LOXHD1: variants seen among roughly 807,000 people sequenced by gnomAD.
LOXHD1 encodes the protein lipoxygenase homology PLAT domains 1, also known as lipoxygenase homology domain-containing protein 1.
Under a neutral mutation model 248.2 loss-of-function variants are expected in LOXHD1, and 205 were observed. That is an observed-to-expected ratio of 0.83 (90% CI 0.74 to 0.93). LOXHD1 has a LOEUF of 0.93. Ranked by LOEUF, LOXHD1 falls within the 40% of genes least tolerant of loss-of-function variation. The probability of loss-of-function intolerance (pLI) is 0.00; values close to 1 mark genes in which losing one functional copy is unlikely to be tolerated. For synonymous variants in LOXHD1, 1,113 were observed against 1,162.8 expected (o/e 0.96, Z 0.87); for missense variants, 2,930 against 2,971.6 (o/e 0.99, Z 0.33).
intron 12 of LOXHD1, 51 bp downstream of exon 12, chr18:46,591,882 C>T: frequency 6.5e-7 from 1 of 1,545,130 alleles, no homozygotes; most frequent in Non-Finnish European, 8.7e-7. Flanking sequence ...CATCGGGACA[C>T]CAAGCAGGAG....
intron 12 of LOXHD1, among the ~76,000 whole-genome samples, chr18:46,583,552 A>T (rs1383327061): frequency 2.6e-5 from 4 of 152,188 alleles, no homozygotes; most frequent in Non-Finnish European, 4.4e-5. Flanking sequence ...TCTCAAAAGA[A>T]GACATACAAA....
chr18:46,518,192 A>G lies in LOXHD1; in HGVS notation c.5336T>C (p.Phe1779Ser), dbSNP rs1411803255. ...VVGGGTDSNI[F>S]MTLYGINGST... ...CCCGTTGATGCCGTAGAGGGTCATG[A>G]AGATGTTGGAGTCAGTGCCCCCGCC... The change falls in exon 34 of 41, where the codon TTC becomes TCC. Residue 1779 changes from phenylalanine (F) to serine (S), a missense_variant. Physicochemically the swap from Phe to Ser is radical, Grantham distance 155 (BLOSUM62 -2). Transcript: ENST00000642948. 1.3e-6 allele frequency: 2 copies of G among 1,551,558 alleles called. No individual in the cohort carries two copies. Among genetic ancestry groups the G allele is most frequent in the Admixed American group, 2.0e-5 (1 of 50,990 alleles).
intron 37 of LOXHD1, among the ~76,000 whole-genome samples, chr18:46,503,658 T>A (rs1003826413): frequency 1.3e-5 from 2 of 152,074 alleles, no homozygotes; most frequent in Non-Finnish European, 2.9e-5. Context: ...GAGAGGTGCA[T>A]TAAGGATATT....
intron 37 of LOXHD1, among the ~76,000 whole-genome samples, chr18:46,496,247 T>C (rs906819556): frequency 3.9e-5 from 6 of 152,232 alleles, no homozygotes; most frequent in African/African-American, 1.2e-4. Context: ...ACTTGGGTGA[T>C]TGCTATGTGG....
chr18:46,633,821 T>C (rs1393330737), intron 4 of LOXHD1, among the ~76,000 whole-genome samples: 1 of 152,240 alleles, frequency 6.6e-6, no homozygotes, highest in Non-Finnish European at 1.5e-5. Context: ...ATTTGAATGG[T>C]TATTCTCCAA....
intron 2 of LOXHD1, among the ~76,000 whole-genome samples, 167 bp downstream of exon 2, chr18:46,648,988 G>T (rs1281827530): frequency 6.6e-6 from 1 of 152,214 alleles, no homozygotes; most frequent in African/African-American, 2.4e-5. Flanking sequence ...GTGCACCGGG[G>T]GATCCCCAGC....
At chr18:46,487,255 C>T (rs993882448) in intron 38 of LOXHD1, among the ~76,000 whole-genome samples, 12 of 152,120 alleles carry the variant, frequency 7.9e-5, no homozygotes, top group Admixed American at 2.6e-4. Context: ...AGGAGAGGAG[C>T]GAACAGATCC....
At chr18:46,505,412 G>A (rs1291725103) in intron 37 of LOXHD1, among the ~76,000 whole-genome samples, 1 of 151,910 alleles carries the variant, frequency 6.6e-6, no homozygotes, top group Non-Finnish European at 1.5e-5. Context: ...GAACTCCTGG[G>A]GCTCAAGCAA....
chr18:46,477,218 C>A (rs769662252), downstream of LOXHD1: 1 of 727,646 alleles, frequency 1.4e-6, no homozygotes, highest in South Asian at 1.5e-5. Flanking sequence ...AGCCTGGTCA[C>A]TACTGTTATT....
At chr18:46,482,781 G>A (rs1598809045) in intron 40 of LOXHD1, among the ~76,000 whole-genome samples, 3 of 152,342 alleles carry the variant, frequency 2.0e-5, no homozygotes, top group Admixed American at 6.5e-5. Context: ...GCTCTAGGGT[G>A]TGGTATGAGC....
At chr18:46,563,041 C>T (rs1048354349) in intron 18 of LOXHD1, 24 bp downstream of exon 18, 7 of 1,523,094 alleles carry the variant, frequency 4.6e-6, no homozygotes, top group Admixed American at 2.0e-5. Context: ...GCTGTTGGCA[C>T]CCCCGCTCCT....
rs1243055355 is a variant in LOXHD1, at chr18:46,522,296, A to G, written c.4890T>C (p.Tyr1630=). 2 of 1,551,796 alleles carry G rather than the reference A, an allele frequency of 1.3e-6. No homozygotes were observed. Among genetic ancestry groups the G allele is most frequent in the East Asian group, 2.4e-5 (1 of 40,924 alleles). The change falls in exon 32 of 41, where the codon TAT becomes TAC. Residue 1630 remains tyrosine, a synonymous_variant. Coordinates refer to ENST00000642948, the MANE Select transcript of LOXHD1 (RefSeq NM_001384474.1). ...YVQEGPIIPY[Y]VSVTTGKHKD... The stretch of plus-strand genomic sequence containing the variant: ...TGTGCTTCCCAGTGGTGACTGACAC[A>G]TAGTAGGGAATAACTGCAAGAGATC...
intron 30 of LOXHD1, 28 bp from the exon 31 acceptor site, chr18:46,524,629 G>A (rs1217679265): frequency 5.8e-6 from 9 of 1,551,408 alleles, no homozygotes; most frequent in Non-Finnish European, 7.8e-6. Context: ...ACTGGCAGTT[G>A]CAGCTCCAGC....
chr18:46,653,751 T>C (rs117477645), intron 1 of LOXHD1, among the ~76,000 whole-genome samples: 102 of 152,374 alleles, frequency 6.7e-4, no homozygotes, highest in Non-Finnish European at 1.1e-3. Flanking sequence ...TTATTGGCTA[T>C]GTGATTTCAA....
At chr18:46,488,746 G>T (rs1598825975) in intron 38 of LOXHD1, among the ~76,000 whole-genome samples, 1 of 152,246 alleles carries the variant, frequency 6.6e-6, no homozygotes, top group East Asian at 1.9e-4. Flanking sequence ...GTCCCCAGTG[G>T]GTTTTCCTGC....
intron 6 of LOXHD1, among the ~76,000 whole-genome samples, chr18:46,607,992 T>C (rs2038443302): frequency 9.0e-6 from 1 of 110,962 alleles, no homozygotes; most frequent in South Asian, 2.9e-4. Flanking sequence ...AGAAAACACA[T>C]ACTGTGTTTC....
At chr18:46,573,995 C>T (rs953440034) in intron 14 of LOXHD1, among the ~76,000 whole-genome samples, 1 of 152,078 alleles carries the variant, frequency 6.6e-6, no homozygotes, top group African/African-American at 2.4e-5. Context: ...AACAGCCTCC[C>T]ACTCCATCTG....
At chr18:46,639,184 T>C (rs1042166017) in intron 4 of LOXHD1, among the ~76,000 whole-genome samples, 8 of 152,250 alleles carry the variant, frequency 5.3e-5, no homozygotes, top group Non-Finnish European at 1.2e-4. Flanking sequence ...GAGCTCTGGC[T>C]GCTGCAAGCT....
At chr18:46,607,637 T>G (rs2144303314) in intron 6 of LOXHD1, among the ~76,000 whole-genome samples, 1 of 152,084 alleles carries the variant, frequency 6.6e-6, no homozygotes, top group South Asian at 2.1e-4. Flanking sequence ...TGTATTAGTT[T>G]TATAAGAAAA....
Sources: allele counts gnomAD v4.1 joint callset (sites outside exome capture counted in the v4.1 genomes callset), GRCh38; gene constraint gnomAD v4.1.1; transcripts MANE v1.5; gene names NCBI Gene and HGNC (gene_info 2026-07-23, HGNC 2026-07-21).